MYO16: variants seen among roughly 807,000 people sequenced by gnomAD.
MYO16 encodes myosin XVI, also known as unconventional myosin-XVI.
A neutral mutation model predicts 205.3 loss-of-function variants in MYO16; 94 were observed. The ratio of observed to expected loss-of-function variants is 0.46; its 90% CI spans 0.39 to 0.54. The LOEUF is 0.54. Ranked by LOEUF, MYO16 falls within the 20% of genes least tolerant of loss-of-function variation. MYO16 has a pLI of 0.00. For synonymous variants in MYO16, 988 were observed against 954.0 expected (o/e 1.04, Z -0.66); for missense variants, 2,315 against 2,387.5 (o/e 0.97, Z 0.63).
At chr13:108,605,791 T>A (rs886554236) in intron 1 of MYO16, among the ~76,000 whole-genome samples, 1 of 152,190 alleles carries the variant, frequency 6.6e-6, no homozygotes, top group African/African-American at 2.4e-5. Flanking sequence ...GGGGCGCTGC[T>A]ATAAAGTTAC....
At chr13:108,949,956 G>T (rs1594418940) in intron 16 of MYO16, among the ~76,000 whole-genome samples, 1 of 151,784 alleles carries the variant, frequency 6.6e-6, no homozygotes, top group African/African-American at 2.4e-5. Context: ...AACAAAAGGT[G>T]CTGGACAACT....
At chr13:108,590,482 C>G in the MYO16 span, among the ~76,000 whole-genome samples, 1 of 152,080 alleles carries the variant, frequency 6.6e-6, no homozygotes, top group African/African-American at 2.4e-5. Context: ...AACTGTGTCC[C>G]CCAGAAGGAT....
intron 28 of MYO16, chr13:109,101,120 C>A (rs1057447215): frequency 4.6e-6 from 2 of 437,844 alleles, no homozygotes; most frequent in Non-Finnish European, 8.5e-6. Flanking sequence ...TACAACATGA[C>A]AGAAGCTTAT....
chr13:108,920,854 G>A (rs1321300396), intron 16 of MYO16, among the ~76,000 whole-genome samples: 2 of 152,216 alleles, frequency 1.3e-5, no homozygotes, highest in African/African-American at 4.8e-5. Context: ...ATGTGAAAGA[G>A]GCTCAGATTT....
intron 18 of MYO16, 152 bp from the exon 19 acceptor site, chr13:108,962,272 G>A (rs1468326548): frequency 1.2e-5 from 7 of 606,884 alleles, no homozygotes; most frequent in Non-Finnish European, 2.0e-5. Flanking sequence ...TTCTCTAGTT[G>A]AATTTGACAA....
At chr13:108,746,571 G>T (rs9521002) in intron 4 of MYO16, among the ~76,000 whole-genome samples, 58,534 of 151,650 alleles carry the variant, frequency 0.39, 11,690 homozygotes, top group East Asian at 0.54. Flanking sequence ...TATTATGATG[G>T]ATTTCCCAAT....
At chr13:108,782,738 C>T (rs573193958) in intron 4 of MYO16, among the ~76,000 whole-genome samples, 4 of 152,200 alleles carry the variant, frequency 2.6e-5, no homozygotes, top group Non-Finnish European at 4.4e-5. Flanking sequence ...GCCATGTGTC[C>T]CAGCTGCTCC....
At chr13:108,607,397 G>T (rs1221886346) in intron 1 of MYO16, among the ~76,000 whole-genome samples, 2 of 152,096 alleles carry the variant, frequency 1.3e-5, no homozygotes, top group African/African-American at 2.4e-5. Context: ...ATTAGATCAT[G>T]GGGGTGGTTC....
At chr13:109,054,359 A>G in intron 25 of MYO16, 1 of 360,706 alleles carries the variant, frequency 2.8e-6, no homozygotes, top group African/African-American at 2.2e-5. Context: ...AAGAGGAGGA[A>G]AGGGAAGAAA....
Position 108,878,736 on chromosome 13 carries a change from A to G in MYO16, c.1426-4323A>G, listed in dbSNP as rs573203337. On this transcript the variant is annotated intron_variant, in intron 12 of 34. Transcript: ENST00000457511. ...CAGGCACCCACCCCTAGACGCTACTATGGGGCCAAAGCCCAAAGGTGCTGG... is the reference window on the plus strand; with the variant it reads ...CAGGCACCCACCCCTAGACGCTACTGTGGGGCCAAAGCCCAAAGGTGCTGG... 2.6e-5 allele frequency among the ~76,000 whole-genome samples: 4 copies of G among 152,328 alleles called. No individual in the cohort carries two copies. In the East Asian group the frequency reaches 7.7e-4, roughly 30 times the overall value.
In MYO16 at chr13:109,176,572, G is replaced by T. The variant is rs930716943; in HGVS notation, c.5324-2970G>T. On this transcript the variant is annotated intron_variant, in intron 33 of 34. Coordinates refer to ENST00000457511, the MANE Select transcript of MYO16 (RefSeq NM_001198950.3). ...ATACGGCAGCTAAATAAAATATTGTGCTGGTAAAAAAAAAAAAAAAAAAAA... is the reference window on the plus strand; with the variant it reads ...ATACGGCAGCTAAATAAAATATTGTTCTGGTAAAAAAAAAAAAAAAAAAAA... 1.5e-4 allele frequency among the ~76,000 whole-genome samples: 4 copies of T among 26,284 alleles called. No individual in the cohort carries two copies. In the South Asian group the frequency reaches 4.7e-3, roughly 31 times the overall value. The allele number at this position is 26,284 out of a possible 152,430, so 17.2% of individuals were successfully genotyped here.
chr13:108,941,244 A>G (rs897017285), intron 16 of MYO16, among the ~76,000 whole-genome samples: 1 of 152,124 alleles, frequency 6.6e-6, no homozygotes, highest in African/African-American at 2.4e-5. Flanking sequence ...ATTTCCAGTA[A>G]GAAGCAGCCA....
At chr13:109,188,034 A>C (rs926706211) in intron 34 of MYO16, among the ~76,000 whole-genome samples, 4 of 152,242 alleles carry the variant, frequency 2.6e-5, no homozygotes, top group African/African-American at 9.6e-5. Flanking sequence ...TATTTGAGAT[A>C]CAAAGACTTT....
intron 2 of MYO16, among the ~76,000 whole-genome samples, chr13:108,678,566 A>G (rs771228240): frequency 3.0e-4 from 46 of 152,202 alleles, no homozygotes; most frequent in South Asian, 6.2e-4. Context: ...GCCTGTAGCA[A>G]TGATCTCTTT....
intron 33 of MYO16, among the ~76,000 whole-genome samples, chr13:109,176,419 G>A (rs1349829920): frequency 6.6e-6 from 1 of 150,726 alleles, no homozygotes; most frequent in Non-Finnish European, 1.5e-5. Context: ...TTTATTTTTA[G>A]GGCATTGTCA....
intron 22 of MYO16, among the ~76,000 whole-genome samples, chr13:109,009,982 T>C (rs1173790611): frequency 6.6e-6 from 1 of 152,176 alleles, no homozygotes; most frequent in African/African-American, 2.4e-5. Flanking sequence ...TAGCACCTTC[T>C]CTCTAGCTTG....
intron 16 of MYO16, among the ~76,000 whole-genome samples, chr13:108,939,044 T>C (rs1882611669): frequency 3.3e-5 from 5 of 152,210 alleles, no homozygotes; most frequent in Admixed American, 3.3e-4. Flanking sequence ...CTTTCACAGT[T>C]CTGGCTGTGG....
chr13:108,859,226 C>A (rs1878342448), intron 11 of MYO16, among the ~76,000 whole-genome samples: 1 of 152,066 alleles, frequency 6.6e-6, no homozygotes, highest in South Asian at 2.1e-4. Context: ...CACTAGAATG[C>A]AAGTTCTATA....
chr13:108,552,347 C>T, the MYO16 span, among the ~76,000 whole-genome samples: 11,792 of 152,198 alleles, frequency 0.077, 546 homozygotes, highest in Admixed American at 0.12. Context: ...TGATTTGGTG[C>T]TTCTGTCCTT....
Sources: allele counts gnomAD v4.1 joint callset (sites outside exome capture counted in the v4.1 genomes callset), GRCh38; gene constraint gnomAD v4.1.1; transcripts MANE v1.5; gene names NCBI Gene and HGNC (gene_info 2026-07-23, HGNC 2026-07-21).